Variants in SLC35E3 observed in about 807,000 individuals in gnomAD.
The protein encoded by SLC35E3 is solute carrier family 35 member E3, also known as bladder cancer-overexpressed gene 1 protein.
In SLC35E3, 28 loss-of-function variants were observed where a neutral mutation model predicts 30.8. The observed-to-expected ratio is 0.91, with a 90% CI of 0.67 to 1.25. SLC35E3 has a LOEUF of 1.25. Among genes scored for constraint, SLC35E3 ranks in the 50% most tolerant of loss-of-function variants. The probability of loss-of-function intolerance (pLI) is 0.00; values close to 1 mark genes in which losing one functional copy is unlikely to be tolerated. For missense variants in SLC35E3, 365 were observed against 375.4 expected (o/e 0.97, Z 0.23); for synonymous variants, 146 against 149.2 (o/e 0.98, Z 0.16).
At chr12:68,753,896 G>C (rs530427077) in intron 3 of SLC35E3, among the ~76,000 whole-genome samples, 3 of 151,616 alleles carry the variant, frequency 2.0e-5, no homozygotes, top group South Asian at 4.2e-4. Context: ...TGTCGCCCAG[G>C]CTGGAGTGCA....
rs1169185664 is a variant in SLC35E3 at position 68,772,493 on chromosome 12, A to G, written c.*7603A>G. ...TTCTGATGTATCGAAGTTACTTTAT[A>G]CTTCATATGAAGTCATTAGGAGGTG... On this transcript the variant is annotated 3_prime_UTR_variant, in exon 5 of 5. Transcript: ENST00000398004. The G allele has an allele frequency of 6.6e-6, 1 of 152,172 alleles. No homozygotes were observed. The highest frequency in any genetic ancestry group is 1.5e-5 in the Non-Finnish European group (1 of 68,042). 9.4% of individuals were successfully genotyped at this position (152,172 alleles called of 1,614,324 possible). A position where few individuals can be genotyped will look rare whatever the true frequency, so the allele number is the denominator to read the frequency against.
chr12:68,758,895 C>G (rs1328707426), intron 3 of SLC35E3, among the ~76,000 whole-genome samples: 1 of 151,908 alleles, frequency 6.6e-6, no homozygotes, highest in Non-Finnish European at 1.5e-5. Context: ...GCGCCCGCCA[C>G]TGCGCCCAGC....
chr12:68,764,473 G>A (rs1459926638), intron 4 of SLC35E3, among the ~76,000 whole-genome samples: 1 of 152,048 alleles, frequency 6.6e-6, no homozygotes, highest in African/African-American at 2.4e-5. Flanking sequence ...ATTTTTTGTA[G>A]AGACAAGGTT....
At position 68,765,256 on chromosome 12, in the gene SLC35E3, CAA is replaced by C. The variant is rs925442022; in HGVS notation, c.*377_*378del. ...GGGCAACAAGAGCGAAACTCCATTT[CAA>C]AAAAAAAAAATTGGTGACAGACTCA... On this transcript the variant is annotated 3_prime_UTR_variant, in exon 5 of 5. Transcript: ENST00000398004. The C allele has an allele frequency of 2.3e-5, 3 of 129,716 alleles. No individual in the cohort carries two copies. The highest frequency in any genetic ancestry group is 1.6e-5 in the Non-Finnish European group (1 of 60,758). The allele number at this position is 129,716 out of a possible 1,614,324, so 8.0% of individuals were successfully genotyped here.
rs1249661560 is a variant in SLC35E3 at position 68,748,040 on chromosome 12, G to T, written c.513G>T (p.Val171=). 3 of 1,573,888 alleles carry T rather than the reference G, an allele frequency of 1.9e-6. No individual in the cohort carries two copies. The Admixed American group carries it at 5.3e-5, about 28-fold the overall frequency. ...LGVLVTSLYQ[V]WVGAKQHELQ... ...TTTTAGTTACATCCCTTTATCAAGT[G>T]GTTGGTAATTTTTTTTTCTTTATGT... Residue 171 remains valine (V), a splice_region_variant and synonymous_variant, in exon 2 of 5, where the codon GTG becomes GTT. Coordinates refer to ENST00000398004, the MANE Select transcript of SLC35E3 (RefSeq NM_018656.5).
Position 68,773,875 on chromosome 12 carries a change from A to G in SLC35E3, c.*8985A>G, listed in dbSNP as rs889274965. On this transcript the variant is annotated 3_prime_UTR_variant, in exon 5 of 5. Transcript: ENST00000398004. Reference sequence around the variant, plus strand: ...GTTTCCTAAGCAAATGCCCATTCCTATTCTTTGTTCATCTCCACTCTAGAG... The same window carrying G: ...GTTTCCTAAGCAAATGCCCATTCCTGTTCTTTGTTCATCTCCACTCTAGAG... The G allele has an allele frequency of 6.6e-6, 1 of 152,202 alleles. No individual in the cohort carries two copies. Among genetic ancestry groups the G allele is most frequent in the African/African-American group, 2.4e-5 (1 of 41,448 alleles). The allele number at this position is 152,202 out of a possible 1,614,324, so 9.4% of individuals were successfully genotyped here.
chr12:68,777,458 A>T lies in SLC35E3; in HGVS notation c.*12568A>T, dbSNP rs1442805564. On this transcript the variant is annotated 3_prime_UTR_variant, in exon 5 of 5. Transcript: ENST00000398004. ...AAACGCAAGAGATTTTGCCAAGGAA[A>T]TGCTGACATTCCTTCTGTCCACTCC... 6.6e-6 allele frequency: 1 copy of T among 152,206 alleles called. No homozygotes were observed. The highest frequency in any genetic ancestry group is 2.4e-5 in the African/African-American group (1 of 41,460). The allele number at this position is 152,206 out of a possible 1,614,324, so 9.4% of individuals were successfully genotyped here.
In SLC35E3 at chr12:68,746,725, C is replaced by T. The variant is rs149163263; in HGVS notation, c.348C>T (p.Ala116=). The T allele has an allele frequency of 6.3e-4, 1,017 of 1,607,882 alleles. 6 individuals carry two copies. In the African/African-American group the frequency reaches 0.011, roughly 17 times the overall value. The change falls in exon 1 of 5, where the codon GCC becomes GCT. Residue 116 remains alanine (A), a synonymous_variant. Coordinates refer to ENST00000398004, the MANE Select transcript of SLC35E3 (RefSeq NM_018656.5). ...AKAMTTPVII[A]IQTFCYQKTF... ...CCATGACCACGCCGGTGATCATAGC[C>T]ATCCAGACCTTCTGCTACCAGAAAA...
rs1879424249 is a variant in SLC35E3 at position 68,766,537 on chromosome 12, C to A, written c.*1647C>A. On this transcript the variant is annotated 3_prime_UTR_variant, in exon 5 of 5. Transcript: ENST00000398004. Reference sequence around the variant, plus strand: ...ATGTTTAAATGGCTCAAAGAAAAGACTATAAATGGAATTGAACATGTTTGT... The same window carrying A: ...ATGTTTAAATGGCTCAAAGAAAAGAATATAAATGGAATTGAACATGTTTGT... 5.1e-6 allele frequency: 1 copy of A among 197,994 alleles called. No homozygotes were observed. Among genetic ancestry groups the A allele is most frequent in the South Asian group, 5.7e-5 (1 of 17,398 alleles). 12.3% of individuals were successfully genotyped at this position (197,994 alleles called of 1,614,324 possible).
Position 68,775,245 on chromosome 12 carries a change from C to T in SLC35E3, c.*10355C>T, listed in dbSNP as rs763779276. On this transcript the variant is annotated 3_prime_UTR_variant, in exon 5 of 5. Coordinates refer to ENST00000398004, the MANE Select transcript of SLC35E3 (RefSeq NM_018656.5). ...TGGAGGACCTGCTCTGTCTGTCGGACTTTGGAACTCAGGAAGCAACAACTA... is the reference window on the plus strand; with the variant it reads ...TGGAGGACCTGCTCTGTCTGTCGGATTTTGGAACTCAGGAAGCAACAACTA... 6.6e-6 allele frequency: 1 copy of T among 152,232 alleles called. No homozygotes were observed. The highest frequency in any genetic ancestry group is 2.4e-5 in the African/African-American group (1 of 41,460). The allele number at this position is 152,232 out of a possible 1,614,324, so 9.4% of individuals were successfully genotyped here.
At chr12:68,752,288 T>C in intron 3 of SLC35E3, 98 bp downstream of exon 3, 2 of 1,134,690 alleles carry the variant, frequency 1.8e-6, no homozygotes, top group Non-Finnish European at 2.5e-6. Context: ...GTCCGATCCA[T>C]TCTCACATTT....
In SLC35E3 at chr12:68,773,257, T is replaced by C. The variant is rs1433088014; in HGVS notation, c.*8367T>C. 6.6e-6 allele frequency: 1 copy of C among 152,126 alleles called. No individual in the cohort carries two copies. 9.4% of individuals were successfully genotyped at this position (152,126 alleles called of 1,614,324 possible). Reference sequence around the variant, plus strand: ...CAGTTCAGTGCAGGATAGGGATGGGTGGGCCTTAATTCAGGAGGTGGGAGG... The same window carrying C: ...CAGTTCAGTGCAGGATAGGGATGGGCGGGCCTTAATTCAGGAGGTGGGAGG... On this transcript the variant is annotated 3_prime_UTR_variant, in exon 5 of 5. Transcript: ENST00000398004.
At chr12:68,757,701 T>C (rs1353460949) in intron 3 of SLC35E3, among the ~76,000 whole-genome samples, 23 of 152,196 alleles carry the variant, frequency 1.5e-4, no homozygotes, top group Admixed American at 1.5e-3. Flanking sequence ...GTTTCTAAGC[T>C]CTTTGAGGGC....
rs1879667282 is a variant in SLC35E3, at chr12:68,773,795, G to A, written c.*8905G>A. The stretch of plus-strand genomic sequence containing the variant: ...TTTGTTAGGATCAGCATTTTTATAT[G>A]ATTTAACACAAAATGTTACAGAAAA... On this transcript the variant is annotated 3_prime_UTR_variant, in exon 5 of 5. Transcript: ENST00000398004. 6.6e-6 allele frequency: 1 copy of A among 152,110 alleles called. No homozygotes were observed. The highest frequency in any genetic ancestry group is 1.5e-5 in the Non-Finnish European group (1 of 68,028). 9.4% of individuals were successfully genotyped at this position (152,110 alleles called of 1,614,324 possible).
rs923772959 is a variant in SLC35E3, at chr12:68,775,265, C to G, written c.*10375C>G. The G allele has an allele frequency of 1.3e-5, 2 of 152,194 alleles. No homozygotes were observed. Among genetic ancestry groups the G allele is most frequent in the African/African-American group, 4.8e-5 (2 of 41,456 alleles). 9.4% of individuals were successfully genotyped at this position (152,194 alleles called of 1,614,324 possible). On this transcript the variant is annotated 3_prime_UTR_variant, in exon 5 of 5. Transcript: ENST00000398004. ...TCGGACTTTGGAACTCAGGAAGCAA[C>G]AACTAAGCGTACTCGTTGTCTTAGT...
At chr12:68,762,926 T>C (rs1879272571) in intron 4 of SLC35E3, among the ~76,000 whole-genome samples, 1 of 151,822 alleles carries the variant, frequency 6.6e-6, no homozygotes, top group African/African-American at 2.4e-5. Context: ...GTCAGACAGG[T>C]CCAGGTGTGA....
chr12:68,754,353 T>C (rs1878923543), intron 3 of SLC35E3, among the ~76,000 whole-genome samples: 1 of 152,096 alleles, frequency 6.6e-6, no homozygotes, highest in African/African-American at 2.4e-5. Flanking sequence ...GCGTGATCTC[T>C]GTTCACTGCA....
In SLC35E3 at chr12:68,746,714, G is replaced by T; in HGVS notation, c.337G>T (p.Val113Leu). 2 of 1,613,844 alleles carry T rather than the reference G, an allele frequency of 1.2e-6. No homozygotes were observed. Among genetic ancestry groups the T allele is most frequent in the Non-Finnish European group, 1.7e-6 (2 of 1,179,778 alleles). ...YQLAKAMTTP[V>L]IIAIQTFCYQ... ...GCTGGCCAAGGCCATGACCACGCCGGTGATCATAGCCATCCAGACCTTCTG... is the reference window on the plus strand; with the variant it reads ...GCTGGCCAAGGCCATGACCACGCCGTTGATCATAGCCATCCAGACCTTCTG... Residue 113 changes from valine (V) to leucine (L), a missense_variant, in exon 1 of 5, where the codon GTG becomes TTG. By Grantham distance (32) the Val-to-Leu change is conservative (BLOSUM62 1). Coordinates refer to ENST00000398004, the MANE Select transcript of SLC35E3 (RefSeq NM_018656.5).
intron 4 of SLC35E3, among the ~76,000 whole-genome samples, chr12:68,761,277 CA>C (rs1343815210): frequency 6.6e-6 from 1 of 152,178 alleles, no homozygotes; most frequent in African/African-American, 2.4e-5. Flanking sequence ...GGGCCGGGCA[CA>C]ATGGCACACC....
Sources: allele counts gnomAD v4.1 joint callset (sites outside exome capture counted in the v4.1 genomes callset), GRCh38; gene constraint gnomAD v4.1.1; transcripts MANE v1.5; gene names NCBI Gene and HGNC (gene_info 2026-07-23, HGNC 2026-07-21).